KCNQ1: variants seen among roughly 807,000 people sequenced by gnomAD.
KCNQ1 encodes potassium voltage-gated channel subfamily Q member 1, also known as potassium voltage-gated channel subfamily KQT member 1.
A neutral mutation model predicts 72.4 loss-of-function variants in KCNQ1; 49 were observed. That is an observed-to-expected ratio of 0.68 (90% CI 0.54 to 0.86). The LOEUF is 0.86. KCNQ1 is among the 40% of genes least tolerant of loss of function. KCNQ1 has a pLI of 0.00. For missense variants in KCNQ1, 790 were observed against 945.1 expected (o/e 0.84, Z 2.15); for synonymous variants, 450 against 412.6 (o/e 1.09, Z -1.10).
chr11:2,640,547 A>T, intron 10 of KCNQ1: 1 of 381,380 alleles, frequency 2.6e-6, no homozygotes, highest in East Asian at 3.7e-5. Flanking sequence ...TGGCCCCCCA[A>T]AGCACTGGGA....
chr11:2,588,693 T>C lies in KCNQ1; in HGVS notation c.1252-20T>C. 1 of 1,612,868 alleles carries C rather than the reference T, an allele frequency of 6.2e-7. No individual in the cohort carries two copies. Among genetic ancestry groups the C allele is most frequent in the South Asian group, 1.1e-5 (1 of 91,028 alleles). On this transcript the variant is annotated intron_variant, in intron 9 of 15. Transcript: ENST00000155840. This position sits in a 1 kb window ranked among gnomAD's most constrained non-coding sequence, Gnocchi z 5.6. ...AGACGATGTCCAGGAACCGCTAATC[T>C]GTTGTCTTGTTTTTTTTAGGTAAAG...
chr11:2,712,727 G>A lies in KCNQ1; in HGVS notation c.1514+50646G>A, dbSNP rs551155561. Among the ~76,000 whole-genome samples, 18 of 152,278 alleles carry A rather than the reference G, an allele frequency of 1.2e-4. No individual in the cohort carries two copies. The South Asian group carries it at 3.3e-3, about 28-fold the overall frequency. ...CCAGCCTCAGCCTTCCTTGCCATCCGCAACCACACCAGTGGCTGGAAAGCC... is the reference window on the plus strand; with the variant it reads ...CCAGCCTCAGCCTTCCTTGCCATCCACAACCACACCAGTGGCTGGAAAGCC... On this transcript the variant is annotated intron_variant, in intron 11 of 15. Transcript: ENST00000155840. The surrounding 1 kb of genome is among the most constrained non-coding windows in gnomAD (Gnocchi z 6.4).
rs1850021432 is a variant in KCNQ1 at position 2,664,195 on chromosome 11, G to A, written c.1514+2114G>A. The A allele has an allele frequency of 2.5e-6, 1 of 398,740 alleles. No homozygotes were observed. Among genetic ancestry groups the A allele is most frequent in the Non-Finnish European group, 4.4e-6 (1 of 226,186 alleles). The allele number at this position is 398,740 out of a possible 1,614,324, so 24.7% of individuals were successfully genotyped here. The stretch of plus-strand genomic sequence containing the variant: ...TGCTAGATATGAGCCAGCCTGGGAA[G>A]GCAGGAAGGAGCCCAGGCATGGGGC... On this transcript the variant is annotated intron_variant, in intron 11 of 15. Coordinates refer to ENST00000155840, the MANE Select transcript of KCNQ1 (RefSeq NM_000218.3). This position sits in a 1 kb window ranked among gnomAD's most constrained non-coding sequence, Gnocchi z 5.1.
Position 2,698,407 on chromosome 11 carries a change from A to G in KCNQ1, c.1514+36326A>G, listed in dbSNP as rs991220125. 6 of 396,998 alleles carry G rather than the reference A, an allele frequency of 1.5e-5. No homozygotes were observed. The highest frequency in any genetic ancestry group is 1.3e-4 in the South Asian group (1 of 7,704). 24.6% of individuals were successfully genotyped at this position (396,998 alleles called of 1,614,324 possible). ...CACAGTGGGGTACTGGGATCTGAAC[A>G]TAGTGGTGGCCCTTCAAGCCTACTA... On this transcript the variant is annotated intron_variant, in intron 11 of 15. Transcript: ENST00000155840. The surrounding 1 kb of genome is among the most constrained non-coding windows in gnomAD (Gnocchi z 5.1).
In KCNQ1 at chr11:2,482,047, C is replaced by T. The variant is rs1236680217; in HGVS notation, c.386+36563C>T. On this transcript the variant is annotated intron_variant, in intron 1 of 15. Transcript: ENST00000155840. The surrounding 1 kb of genome is among the most constrained non-coding windows in gnomAD (Gnocchi z 5.7). ...CGGCTGTTTGCTTTATGAATTTGTG[C>T]CTCAGTTTCTTCATCTCTGAAACGG... Among the ~76,000 whole-genome samples, 3 of 152,120 alleles carry T rather than the reference C, an allele frequency of 2.0e-5. No homozygotes were observed. In the South Asian group the frequency reaches 6.2e-4, roughly 31 times the overall value.
rs1297843127 is a variant in KCNQ1 at position 2,477,763 on chromosome 11, A to T, written c.386+32279A>T. Among the ~76,000 whole-genome samples, 3 of 151,892 alleles carry T rather than the reference A, an allele frequency of 2.0e-5. No homozygotes were observed. Among genetic ancestry groups the T allele is most frequent in the African/African-American group, 4.8e-5 (2 of 41,360 alleles). The stretch of plus-strand genomic sequence containing the variant: ...AAAAAAAAAAAGACCATACATACAC[A>T]CATGCACACACAACAGTGGTAATGG... On this transcript the variant is annotated intron_variant, in intron 1 of 15. Coordinates refer to ENST00000155840, the MANE Select transcript of KCNQ1 (RefSeq NM_000218.3). The surrounding 1 kb of genome is among the most constrained non-coding windows in gnomAD (Gnocchi z 5.0).
At chr11:2,587,486 A>G (rs1303343445) in intron 8 of KCNQ1, 84 bp from the exon 9 acceptor site, 1 of 1,578,790 alleles carries the variant, frequency 6.3e-7, no homozygotes, top group East Asian at 2.3e-5. Context: ...GGCCTGGGGA[A>G]CAGGGAGGGG....
intron 7 of KCNQ1, among the ~76,000 whole-genome samples, chr11:2,584,461 ATGTTAG>A (rs1228486765): frequency 2.2e-5 from 3 of 138,906 alleles, no homozygotes; most frequent in Non-Finnish European, 3.1e-5. Flanking sequence ...TTGTGTGTGT[ATGTTAG>A]TGTATGTTAG....
At chr11:2,514,560 G>A (rs184432696) in intron 1 of KCNQ1, among the ~76,000 whole-genome samples, 25 of 152,322 alleles carry the variant, frequency 1.6e-4, no homozygotes, top group Admixed American at 9.1e-4. Context: ...TCATGGGCGC[G>A]GTGGCTCACG....
chr11:2,835,248 G>A (rs1320845634), intron 15 of KCNQ1, among the ~76,000 whole-genome samples: 2 of 152,044 alleles, frequency 1.3e-5, no homozygotes, highest in Non-Finnish European at 2.9e-5. Context: ...CGGCTGGGGT[G>A]GCCAGTGGCA....
chr11:2,741,724 G>A (rs574481611), intron 11 of KCNQ1, among the ~76,000 whole-genome samples: 4 of 152,096 alleles, frequency 2.6e-5, no homozygotes, highest in African/African-American at 4.8e-5. Context: ...AGCTGTGCTC[G>A]GGCCGGAGCA....
At chr11:2,584,539 ATG>A (rs1491478814) in intron 7 of KCNQ1, among the ~76,000 whole-genome samples, 1 of 103,562 alleles carries the variant, frequency 9.7e-6, no homozygotes, top group Non-Finnish European at 1.8e-5. Flanking sequence ...GTGTGTTAGT[ATG>A]TGTTTGTGTT....
At chr11:2,524,913 T>C (rs1339639389) in intron 1 of KCNQ1, among the ~76,000 whole-genome samples, 1 of 152,174 alleles carries the variant, frequency 6.6e-6, no homozygotes, top group Non-Finnish European at 1.5e-5. Context: ...GCAGGTGGCA[T>C]CTTCTGCCCC....
rs1848703639 is a variant in KCNQ1, at chr11:2,593,963, T to A, written c.1393+5109T>A. ...AGGTGCTCCAGATCCTACTGCCTCCTGCCGTTTCCTGGGCCTTTGTTGCCC... is the reference window on the plus strand; with the variant it reads ...AGGTGCTCCAGATCCTACTGCCTCCAGCCGTTTCCTGGGCCTTTGTTGCCC... On this transcript the variant is annotated intron_variant, in intron 10 of 15. Transcript: ENST00000155840. The surrounding 1 kb of genome is among the most constrained non-coding windows in gnomAD (Gnocchi z 6.9). 6.6e-6 allele frequency among the ~76,000 whole-genome samples: 1 copy of A among 152,244 alleles called. No individual in the cohort carries two copies. Among genetic ancestry groups the A allele is most frequent in the Admixed American group, 6.5e-5 (1 of 15,288 alleles).
chr11:2,586,846 C>A (rs910794461), intron 8 of KCNQ1, among the ~76,000 whole-genome samples: 1 of 152,110 alleles, frequency 6.6e-6, no homozygotes, highest in Non-Finnish European at 1.5e-5. Context: ...CCAGTGATGA[C>A]AAGGCCACCA....
intron 15 of KCNQ1, among the ~76,000 whole-genome samples, chr11:2,836,385 C>A (rs1161758380): frequency 1.3e-5 from 2 of 152,128 alleles, no homozygotes; most frequent in Admixed American, 1.3e-4. Context: ...GGTGACGTTT[C>A]AGGCCGGAGG....
At chr11:2,696,925 CCT>C in intron 11 of KCNQ1, 1 of 398,466 alleles carries the variant, frequency 2.5e-6, no homozygotes, top group Non-Finnish European at 4.4e-6. Flanking sequence ...ATATCCAAAA[CCT>C]CTCTGAAATC....
rs1590021845 is a variant in KCNQ1 at position 2,671,467 on chromosome 11, T to G, written c.1514+9386T>G. 3.0e-5 allele frequency: 12 copies of G among 398,592 alleles called. No individual in the cohort carries two copies. In the East Asian group the frequency reaches 4.3e-4, roughly 14 times the overall value. The allele number at this position is 398,592 out of a possible 1,614,324, so 24.7% of individuals were successfully genotyped here. ...GGCAGAAGAGCAACCCAGCAGGGGA[T>G]ATACACAAAGATCTGAGAAAGGGAT... On this transcript the variant is annotated intron_variant, in intron 11 of 15. Transcript: ENST00000155840. The surrounding 1 kb of genome is among the most constrained non-coding windows in gnomAD (Gnocchi z 4.7).
rs1011992395 is a variant in KCNQ1, at chr11:2,473,268, A to G, written c.386+27784A>G. On this transcript the variant is annotated intron_variant, in intron 1 of 15. Coordinates refer to ENST00000155840, the MANE Select transcript of KCNQ1 (RefSeq NM_000218.3). The surrounding 1 kb of genome is among the most constrained non-coding windows in gnomAD (Gnocchi z 6.0). ...TCTGATGTCATTTATTGCTGTTCCT[A>G]TATTTGTATAATAAATGGAAGAAAA... is the stretch of plus-strand genomic sequence containing the variant. Among the ~76,000 whole-genome samples, 2 of 152,034 alleles carry G rather than the reference A, an allele frequency of 1.3e-5. No homozygotes were observed. The highest frequency in any genetic ancestry group is 4.8e-5 in the African/African-American group (2 of 41,378).
Sources: allele counts gnomAD v4.1 joint callset (sites outside exome capture counted in the v4.1 genomes callset), GRCh38; gene constraint gnomAD v4.1.1; non-coding constraint Gnocchi (gnomAD v3.1); transcripts MANE v1.5; gene names NCBI Gene and HGNC (gene_info 2026-07-23, HGNC 2026-07-21).